Variants in DLGAP2 observed in about 807,000 individuals in gnomAD.
The protein encoded by DLGAP2 is DLG associated protein 2, also known as disks large-associated protein 2.
DLGAP2 carries 26 observed loss-of-function variants against 100.3 expected under a neutral mutation model. The observed-to-expected ratio is 0.26, with a 90% CI of 0.19 to 0.36. The LOEUF is 0.36. Ranked by LOEUF, DLGAP2 falls within the 10% of genes least tolerant of loss-of-function variation. The pLI is 1.00. For synonymous variants in DLGAP2, 886 were observed against 630.1 expected (o/e 1.41, Z -6.08); for missense variants, 1,858 against 1,453.2 (o/e 1.28, Z -4.53).
intron 3 of DLGAP2, among the ~76,000 whole-genome samples, chr8:1,477,535 G>A (rs1451815199): frequency 6.6e-6 from 1 of 152,176 alleles, no homozygotes; most frequent in Admixed American, 6.5e-5. Context: ...CAGCTGCACA[G>A]CCTGAGAGCC....
In DLGAP2 at chr8:817,038, G is replaced by C. The variant is rs1172486979; in HGVS notation, c.18+79213G>C. Among the ~76,000 whole-genome samples the C allele has an allele frequency of 6.6e-5, 10 of 152,078 alleles. No homozygotes were observed. In the East Asian group the frequency reaches 1.9e-3, roughly 29 times the overall value. ...CGCCTGTAGTCCCAGCTCCTCAGGA[G>C]GCTGAGGCCGGAGAAAGGTGTGAAC... On this transcript the variant is annotated intron_variant, in intron 1 of 14. Transcript: ENST00000637795.
At chr8:1,672,386 C>T (rs1798713498) in intron 10 of DLGAP2, among the ~76,000 whole-genome samples, 1 of 152,096 alleles carries the variant, frequency 6.6e-6, no homozygotes, top group South Asian at 2.1e-4. Flanking sequence ...CATGTGCCAC[C>T]ACGCCTAATT....
At chr8:1,109,384 C>T (rs1424339571) in intron 2 of DLGAP2, among the ~76,000 whole-genome samples, 1 of 8,628 alleles carries the variant, frequency 1.2e-4, no homozygotes, top group Non-Finnish European at 2.2e-4. Context: ...GAGGTGTGCA[C>T]GGGTCTGTGA....
At chr8:1,443,204 A>G (rs1797888100) in intron 3 of DLGAP2, among the ~76,000 whole-genome samples, 1 of 152,354 alleles carries the variant, frequency 6.6e-6, no homozygotes, top group East Asian at 1.9e-4. Flanking sequence ...ATATTGACAT[A>G]TAATCCCAGC....
At chr8:1,275,797 A>ATAT (rs1469561999) in intron 3 of DLGAP2, among the ~76,000 whole-genome samples, 17 of 126,852 alleles carry the variant, frequency 1.3e-4, no homozygotes, top group Non-Finnish European at 9.4e-5. Flanking sequence ...ATAATATATA[A>ATAT]ATAAATATAT....
chr8:1,510,752 T>C (rs940298049), intron 4 of DLGAP2, among the ~76,000 whole-genome samples: 1 of 152,112 alleles, frequency 6.6e-6, no homozygotes, highest in Non-Finnish European at 1.5e-5. Flanking sequence ...TGTAGGACCT[T>C]TTGAGTATCC....
intron 12 of DLGAP2, among the ~76,000 whole-genome samples, chr8:1,687,296 G>T (rs1425937105): frequency 6.6e-6 from 1 of 152,226 alleles, no homozygotes. Context: ...AAAGAGCCAA[G>T]TGTGTTAATC....
chr8:753,858 C>T (rs1349662168), intron 1 of DLGAP2: 2 of 152,216 alleles, frequency 1.3e-5, no homozygotes, highest in Non-Finnish European at 1.5e-5. Flanking sequence ...AGTGGGCCGC[C>T]GTGGGGTCGG....
intron 3 of DLGAP2, among the ~76,000 whole-genome samples, chr8:1,389,534 G>A (rs1452161434): frequency 3.3e-5 from 5 of 152,252 alleles, no homozygotes; most frequent in African/African-American, 4.8e-5. Flanking sequence ...GAGGCCGCTC[G>A]GTGCAGACCA....
In DLGAP2 at chr8:990,421, C is replaced by T. The variant is rs112364045; in HGVS notation, c.73+82455C>T. Among the ~76,000 whole-genome samples, 245 of 39,538 alleles carry T rather than the reference C, an allele frequency of 6.2e-3. 1 individual carries two copies. Among genetic ancestry groups the T allele is most frequent in the Non-Finnish European group, 8.1e-3 (166 of 20,446 alleles). The allele number at this position is 39,538 out of a possible 152,430, so 25.9% of individuals were successfully genotyped here. A position where few individuals can be genotyped will look rare whatever the true frequency, so the allele number is the denominator to read the frequency against. Reference sequence around the variant, plus strand: ...TTCTTCTCTCCCCCCTTGCCCAGACCCCCTGCACCCCCATACTCGGAGTTC... The same window carrying T: ...TTCTTCTCTCCCCCCTTGCCCAGACTCCCTGCACCCCCATACTCGGAGTTC... On this transcript the variant is annotated intron_variant, in intron 2 of 14. Transcript: ENST00000637795.
chr8:1,295,162 T>C (rs1800142781), intron 3 of DLGAP2, among the ~76,000 whole-genome samples: 1 of 152,206 alleles, frequency 6.6e-6, no homozygotes. Context: ...GTCTGCGTGT[T>C]CTGGCCTCCC....
At position 1,193,851 on chromosome 8, in the gene DLGAP2, C is replaced by T. The variant is rs140655673; in HGVS notation, c.74-65000C>T. 2.8e-3 allele frequency among the ~76,000 whole-genome samples: 433 copies of T among 152,020 alleles called. 2 individuals carry two copies. Among genetic ancestry groups the T allele is most frequent in the African/African-American group, 0.01 (424 of 41,498 alleles). ...AGCATCCGGGTGGGGCAGATCCCAG[C>T]GTCGGCCTCTAGAGCCTCCGCACCG... is the stretch of plus-strand genomic sequence containing the variant. On this transcript the variant is annotated intron_variant, in intron 2 of 14. Coordinates refer to ENST00000637795, the MANE Select transcript of DLGAP2 (RefSeq NM_001346810.2).
chr8:1,298,919 G>A (rs567820888), intron 3 of DLGAP2, among the ~76,000 whole-genome samples: 1 of 152,044 alleles, frequency 6.6e-6, no homozygotes, highest in Non-Finnish European at 1.5e-5. Flanking sequence ...CCCGGGGGGA[G>A]AACCTCTTCC....
intron 2 of DLGAP2, among the ~76,000 whole-genome samples, chr8:1,254,234 C>T (rs764166408): frequency 5.3e-5 from 8 of 152,184 alleles, no homozygotes; most frequent in Non-Finnish European, 8.8e-5. Context: ...ATGGTGAAGC[C>T]GGCGTCTCCC....
chr8:855,125 T>A (rs1245725467), intron 1 of DLGAP2, among the ~76,000 whole-genome samples: 1 of 152,178 alleles, frequency 6.6e-6, no homozygotes, highest in Admixed American at 6.5e-5. Context: ...GGTTGCTGTG[T>A]GCAGCGTCTT....
chr8:1,377,371 C>G (rs1240718706), intron 3 of DLGAP2, among the ~76,000 whole-genome samples: 1 of 152,138 alleles, frequency 6.6e-6, no homozygotes, highest in Admixed American at 6.6e-5. Context: ...GGTGAAACCC[C>G]GTCTCTACAG....
chr8:1,502,913 G>A (rs1342712733), intron 4 of DLGAP2, among the ~76,000 whole-genome samples: 3 of 152,132 alleles, frequency 2.0e-5, no homozygotes, highest in Non-Finnish European at 4.4e-5. Context: ...CTTGGGCTCA[G>A]GCACAGTGAA....
chr8:1,373,572 A>T (rs1481265155), intron 3 of DLGAP2: 1 of 152,214 alleles, frequency 6.6e-6, no homozygotes, highest in African/African-American at 2.4e-5. Context: ...GTTCAGTGAG[A>T]TCATTTCACC....
intron 2 of DLGAP2, among the ~76,000 whole-genome samples, chr8:1,088,796 C>T (rs187498838): frequency 1.1e-3 from 101 of 90,700 alleles, no homozygotes; most frequent in African/African-American, 4.5e-3. Context: ...TCACTCCCCC[C>T]ACCCCACTCT....
Sources: gnomAD v4.1 joint callset for allele counts (sites outside exome capture counted in the v4.1 genomes callset) on GRCh38, gnomAD v4.1.1 for gene constraint, MANE v1.5 for transcripts, NCBI Gene and HGNC (gene_info 2026-07-23, HGNC 2026-07-21) for gene names.